Variants in FCHO1 observed in about 807,000 individuals in gnomAD.
The protein encoded by FCHO1 is FCH and mu domain containing endocytic adaptor 1.
In FCHO1, 45 loss-of-function variants were observed where a neutral mutation model predicts 114.4. That is an observed-to-expected ratio of 0.39 (90% CI 0.31 to 0.50). The LOEUF (loss-of-function observed/expected upper bound fraction) is 0.50, where lower values mean the gene tolerates loss of function less well. Ranked by LOEUF, FCHO1 falls within the 20% of genes least tolerant of loss-of-function variation. FCHO1 has a pLI of 0.77. For missense variants in FCHO1, 1,042 were observed against 1,209.6 expected, an observed-to-expected ratio of 0.86 and a Z score of 2.06; for synonymous variants, 480 against 488.9, an observed-to-expected ratio of 0.98 and a Z score of 0.24.
At chr19:17,779,570 T>G (rs1264417970) in intron 20 of FCHO1, among the ~76,000 whole-genome samples, 6 of 74,032 alleles carry the variant, frequency 8.1e-5, no homozygotes, top group Non-Finnish European at 8.4e-5. Context: ...GGGAGGAGGA[T>G]GGGGAAGGAG....
At chr19:17,768,709 CA>C (rs34106142) in intron 7 of FCHO1, among the ~76,000 whole-genome samples, 96 of 109,620 alleles carry the variant, frequency 8.8e-4, no homozygotes, top group African/African-American at 8.3e-4. Context: ...CAAAACAAGG[CA>C]AAAAAAAAAA....
chr19:17,756,706 C>G (rs1218203028), intron 4 of FCHO1, among the ~76,000 whole-genome samples: 1 of 152,166 alleles, frequency 6.6e-6, no homozygotes, highest in Non-Finnish European at 1.5e-5. Flanking sequence ...CCTGTGACAT[C>G]TGTCATCAGT....
rs893143124 is a variant in FCHO1 at position 17,770,031 on chromosome 19, G to C, written c.337-394G>C. 5.3e-5 allele frequency among the ~76,000 whole-genome samples: 8 copies of C among 152,050 alleles called. No individual in the cohort carries two copies. The South Asian group carries it at 6.2e-4, about 12-fold the overall frequency. On this transcript the variant is annotated intron_variant, in intron 7 of 28. Transcript: ENST00000596536. ...CACACACACAGAGGCCGGGCGTGGT[G>C]GCTCACACCTGTAATGCCAGCACTT... is the stretch of plus-strand genomic sequence containing the variant.
At chr19:17,764,591 A>G (rs2087940649) in intron 6 of FCHO1, 142 bp downstream of exon 6, 1 of 658,350 alleles carries the variant, frequency 1.5e-6, no homozygotes, top group Non-Finnish European at 2.5e-6. Flanking sequence ...TATATCATTC[A>G]TTCACACACT....
At chr19:17,761,023 C>T (rs2085922311) in intron 4 of FCHO1, among the ~76,000 whole-genome samples, 1 of 152,140 alleles carries the variant, frequency 6.6e-6, no homozygotes, top group South Asian at 2.1e-4. Context: ...CACAGTGCAG[C>T]CCTGGCCTCC....
intron 6 of FCHO1, among the ~76,000 whole-genome samples, chr19:17,765,048 G>A (rs1349980196): frequency 7.2e-6 from 1 of 138,678 alleles, no homozygotes; most frequent in African/African-American, 2.7e-5. Flanking sequence ...TGGGCAATAA[G>A]AGCGAAAACT....
In FCHO1 at chr19:17,751,754, C is replaced by T. The variant is rs1000510035; in HGVS notation, c.-183+177C>T. Among the ~76,000 whole-genome samples, 5 of 152,224 alleles carry T rather than the reference C, an allele frequency of 3.3e-5. No homozygotes were observed. The highest frequency in any genetic ancestry group is 5.9e-5 in the Non-Finnish European group (4 of 68,046). On this transcript the variant is annotated intron_variant, in intron 1 of 28. Transcript: ENST00000596536. This position sits in a 1 kb window ranked among gnomAD's most constrained non-coding sequence, Gnocchi z 4.4. ...TTGCCCTGCCCCCCGTCCCCCATTC[C>T]AGCTGTGAGTGGTGGTTTGGGTTAG...
At position 17,755,155 on chromosome 19, in the gene FCHO1, G is replaced by C. The variant is rs200754161; in HGVS notation, c.-10G>C. 1 of 1,612,082 alleles carries C rather than the reference G, an allele frequency of 6.2e-7. No homozygotes were observed. The highest frequency in any genetic ancestry group is 1.3e-5 in the African/African-American group (1 of 74,772). ...CGGGGCCTGCAGGGGTCTCCACAGA[G>C]ACCATCAGGATGTCGTATTTTGGGG... On this transcript the variant is annotated 5_prime_UTR_variant, in exon 4 of 29. Transcript: ENST00000596536.
At chr19:17,787,172 C>T (rs1486936458) in intron 27 of FCHO1, among the ~76,000 whole-genome samples, 2 of 134,284 alleles carry the variant, frequency 1.5e-5, no homozygotes, top group East Asian at 4.4e-4. Flanking sequence ...TGTAGTGAGC[C>T]GAGATCGTGC....
intron 4 of FCHO1, among the ~76,000 whole-genome samples, chr19:17,756,683 C>A (rs1444325035): frequency 1.3e-5 from 2 of 152,210 alleles, no homozygotes; most frequent in Non-Finnish European, 2.9e-5. Context: ...CACCCCCAGA[C>A]TCAGGGAGGC....
chr19:17,778,797 G>A lies in FCHO1; in HGVS notation c.1540G>A (p.Gly514Ser), dbSNP rs2092989296. ...TAGGGCGCCACCCCCAGAGGCCAGG[G>A]GTATCCGGGCACCGCCTCTGCCAGA... ...SCRAPPPEAR[G>S]IRAPPLPDSP... is the part of the protein sequence containing the mutation. Residue 514 changes from glycine to serine, a missense_variant, in exon 20 of 29, where the codon GGT becomes AGT. By Grantham distance (56) the Gly-to-Ser change is moderately conservative. Coordinates refer to ENST00000596536, the MANE Select transcript of FCHO1 (RefSeq NM_015122.3). 3 of 1,541,832 alleles carry A rather than the reference G, an allele frequency of 1.9e-6. No individual in the cohort carries two copies. Among genetic ancestry groups the A allele is most frequent in the Non-Finnish European group, 8.7e-7 (1 of 1,150,006 alleles).
At chr19:17,777,334 C>G (rs566026612) in intron 18 of FCHO1, among the ~76,000 whole-genome samples, 1 of 151,664 alleles carries the variant, frequency 6.6e-6, no homozygotes, top group African/African-American at 2.4e-5. Flanking sequence ...GTCGAGAGTT[C>G]GAGACCAGCC....
rs368686300 is a variant in FCHO1 at position 17,784,763 on chromosome 19, C to G, written c.2265C>G (p.Leu755=). 6.2e-7 allele frequency: 1 copy of G among 1,614,076 alleles called. No individual in the cohort carries two copies. Among genetic ancestry groups the G allele is most frequent in the East Asian group, 2.2e-5 (1 of 44,872 alleles). ...RPGPQSVPLQ[L]SAHWQCGATL... ...GTCCCCAGTCTGTGCCTCTGCAGCT[C>G]AGTGCCCACTGGCAGTGTGGAGCCA... Residue 755 remains leucine, a synonymous_variant, in exon 26 of 29, where the codon CTC becomes CTG. Transcript: ENST00000596536. This position sits in a 1 kb window ranked among gnomAD's most constrained non-coding sequence, Gnocchi z 5.3.
In FCHO1 at chr19:17,781,719, C is replaced by T. The variant is rs1249950093; in HGVS notation, c.1836C>T (p.Ser612=). Reference sequence around the variant, plus strand: ...CCTCTCCACCACCCCCAGGAGTCTCCCGGGGTCCGAGCCCTGTGGTCCTGG... The same window carrying T: ...CCTCTCCACCACCCCCAGGAGTCTCTCGGGGTCCGAGCCCTGTGGTCCTGG... ...SFLSQTGHGV[S]RGPSPVVLGS... The change falls in exon 23 of 29, where the codon TCC becomes TCT. Residue 612 remains serine (S), a synonymous_variant. Transcript: ENST00000596536. 6 of 1,603,338 alleles carry T rather than the reference C, an allele frequency of 3.7e-6. No homozygotes were observed. Among genetic ancestry groups the T allele is most frequent in the Middle Eastern group, 1.7e-4 (1 of 5,988 alleles).
chr19:17,785,999 T>C (rs572390630), intron 26 of FCHO1, among the ~76,000 whole-genome samples: 24 of 149,804 alleles, frequency 1.6e-4, no homozygotes, highest in Non-Finnish European at 2.2e-4. Context: ...AAGTCTGTTG[T>C]GAAGAAGCCA....
In FCHO1 at chr19:17,764,390, G is replaced by A; in HGVS notation, c.135G>A (p.Glu45=). 2 of 1,613,684 alleles carry A rather than the reference G, an allele frequency of 1.2e-6. No homozygotes were observed. Among genetic ancestry groups the A allele is most frequent in the Non-Finnish European group, 8.5e-7 (1 of 1,179,950 alleles). Residue 45 remains glutamate (E), a synonymous_variant, in exon 6 of 29, where the codon GAG becomes GAA. Coordinates refer to ENST00000596536, the MANE Select transcript of FCHO1 (RefSeq NM_015122.3). The stretch of plus-strand genomic sequence containing the variant: ...TCCTCCCCAGGGCCACCATCGAGGA[G>A]ACCTACTCGAAGGCGATGGCGAAAC... ...DFIRERATIE[E]TYSKAMAKLS...
chr19:17,781,814 G>A lies in FCHO1; in HGVS notation c.1931G>A (p.Ser644Asn), dbSNP rs2093435893. 6.3e-7 allele frequency: 1 copy of A among 1,593,016 alleles called. No homozygotes were observed. The change falls in exon 23 of 29, where the codon AGC (serine) becomes AAC (asparagine). Residue 644 changes from serine (S) to asparagine (N), a missense_variant. By Grantham distance (46) the Ser-to-Asn change is conservative (BLOSUM62 1). Transcript: ENST00000596536. Reference protein sequence around the residue: ...EYVHAYFRGHSPSCLARVTGE... With the variant: ...EYVHAYFRGHNPSCLARVTGE... ...GTCCACGCCTACTTCCGTGGCCACA[G>A]CCCCAGGTACCCAGTGATGGGCAGA...
At chr19:17,769,580 AACACACACACACAC>A (rs71162199) in intron 7 of FCHO1, among the ~76,000 whole-genome samples, 5,277 of 144,102 alleles carry the variant, frequency 0.037, 109 homozygotes, top group South Asian at 0.046. Context: ...CTTCGTCTCA[AACACACACACACAC>A]ACACACACAC....
Position 17,775,887 on chromosome 19 carries a change from T to C in FCHO1, c.1004-96T>C, listed in dbSNP as rs2092568418. ...GTGAGCGATGGGATTGGGCAGGACC[T>C]CGAAGGGTTTGAGCAGGGAGGGACG... On this transcript the variant is annotated intron_variant, in intron 15 of 28. Coordinates refer to ENST00000596536, the MANE Select transcript of FCHO1 (RefSeq NM_015122.3). The surrounding 1 kb of genome is among the most constrained non-coding windows in gnomAD (Gnocchi z 5.1). The C allele has an allele frequency of 2.1e-6, 3 of 1,459,960 alleles. No individual in the cohort carries two copies. Among genetic ancestry groups the C allele is most frequent in the Non-Finnish European group, 2.8e-6 (3 of 1,076,978 alleles). The allele number at this position is 1,459,960 out of a possible 1,614,324, so 90.4% of individuals were successfully genotyped here.
Sources: gnomAD v4.1 joint callset for allele counts (sites outside exome capture counted in the v4.1 genomes callset) on GRCh38, gnomAD v4.1.1 for gene constraint, Gnocchi (gnomAD v3.1) non-coding constraint, MANE v1.5 for transcripts, NCBI Gene and HGNC (gene_info 2026-07-23, HGNC 2026-07-21) for gene names.